CDC42EP4: variants seen among roughly 807,000 people sequenced by gnomAD.
CDC42EP4 encodes CDC42 effector protein (Rho GTPase binding) 4.
Under a neutral mutation model 5.6 loss-of-function variants are expected in CDC42EP4, and 6 were observed. The observed-to-expected ratio is 1.07, with a 90% CI of 0.59 to 2.12. The LOEUF (loss-of-function observed/expected upper bound fraction) is 2.12, where lower values mean the gene tolerates loss of function less well. Ranked by LOEUF, CDC42EP4 falls within the 30% of genes most tolerant of loss-of-function variation. CDC42EP4 has a pLI of 0.00. For synonymous variants in CDC42EP4, 230 were observed against 224.2 expected, an observed-to-expected ratio of 1.03 and a Z score of -0.23; for missense variants, 490 against 508.6, an observed-to-expected ratio of 0.96 and a Z score of 0.35.
rs1160453628 is a variant in CDC42EP4 at position 73,284,644 on chromosome 17, T to G, written c.*786A>C. The G allele has an allele frequency of 6.6e-6, 1 of 152,172 alleles. No homozygotes were observed. Among genetic ancestry groups the G allele is most frequent in the African/African-American group, 2.4e-5 (1 of 41,446 alleles). The allele number at this position is 152,172 out of a possible 1,614,324, so 9.4% of individuals were successfully genotyped here. On this transcript the variant is annotated 3_prime_UTR_variant, in exon 2 of 2. Coordinates refer to ENST00000335793, the MANE Select transcript of CDC42EP4 (RefSeq NM_012121.5). ...ATTGATTCTCATTCTGAGGCAGACC[T>G]ATTAACACCATCCTGATATTGCTCT...
At chr17:73,289,750 GGAGGAAGGGAGGGGAAGGAAAGGAA>G (rs1033656601) in intron 1 of CDC42EP4, among the ~76,000 whole-genome samples, 1 of 141,174 alleles carries the variant, frequency 7.1e-6, no homozygotes, top group East Asian at 2.1e-4. Context: ...AGGAAGGGAG[GGAGGAAGGGAGGGGAAGGAAAGGAA>G]GGAAGGAAAG....
intron 1 of CDC42EP4, among the ~76,000 whole-genome samples, chr17:73,299,522 C>T (rs895433726): frequency 2.0e-5 from 3 of 151,976 alleles, no homozygotes; most frequent in African/African-American, 7.2e-5. Flanking sequence ...CCAGGCTGCT[C>T]TTGAACTCCT....
Position 73,284,056 on chromosome 17 carries a change from G to A in CDC42EP4, c.*1374C>T, listed in dbSNP as rs1301775319. 6.6e-6 allele frequency: 1 copy of A among 152,194 alleles called. No individual in the cohort carries two copies. The highest frequency in any genetic ancestry group is 1.5e-5 in the Non-Finnish European group (1 of 68,040). 9.4% of individuals were successfully genotyped at this position (152,194 alleles called of 1,614,324 possible). On this transcript the variant is annotated 3_prime_UTR_variant, in exon 2 of 2. Transcript: ENST00000335793. ...CTCAATCCCCTCGGGGACAGTTACAGGACTCAGAGAGAAACGTGAATTTCA... is the reference window on the plus strand; with the variant it reads ...CTCAATCCCCTCGGGGACAGTTACAAGACTCAGAGAGAAACGTGAATTTCA...
At chr17:73,302,583 C>G (rs927638029) in intron 1 of CDC42EP4, among the ~76,000 whole-genome samples, 4 of 152,046 alleles carry the variant, frequency 2.6e-5, no homozygotes. Flanking sequence ...CTCAAGCAAT[C>G]CTTCCACCTC....
At chr17:73,289,367 G>A (rs1321030185) in intron 1 of CDC42EP4, among the ~76,000 whole-genome samples, 1 of 152,076 alleles carries the variant, frequency 6.6e-6, no homozygotes, top group Non-Finnish European at 1.5e-5. Flanking sequence ...AGGAGCCATA[G>A]CAACATGTAA....
At chr17:73,296,834 A>T (rs1223019614) in intron 1 of CDC42EP4, among the ~76,000 whole-genome samples, 2 of 151,284 alleles carry the variant, frequency 1.3e-5, no homozygotes, top group Non-Finnish European at 2.9e-5. Context: ...ACAAAAAATT[A>T]GCCAGGCGCG....
chr17:73,287,438 T>TC (rs1307086879), intron 1 of CDC42EP4, among the ~76,000 whole-genome samples: 1 of 151,738 alleles, frequency 6.6e-6, no homozygotes, highest in Non-Finnish European at 1.5e-5. Flanking sequence ...AATGACTTCG[T>TC]CCCCCCAGGA....
chr17:73,308,632 C>T (rs572229579), intron 1 of CDC42EP4, among the ~76,000 whole-genome samples: 2 of 152,262 alleles, frequency 1.3e-5, no homozygotes, highest in South Asian at 2.1e-4. Flanking sequence ...GCCACACCTG[C>T]GCACAGACAG....
chr17:73,302,458 T>C (rs900588719), intron 1 of CDC42EP4, among the ~76,000 whole-genome samples: 3 of 152,102 alleles, frequency 2.0e-5, no homozygotes, highest in Admixed American at 1.3e-4. Context: ...ATGTGGTTAG[T>C]GTGATTAAGG....
At chr17:73,308,491 T>G (rs1291902328) in intron 1 of CDC42EP4, among the ~76,000 whole-genome samples, 1 of 152,206 alleles carries the variant, frequency 6.6e-6, no homozygotes, top group Non-Finnish European at 1.5e-5. Context: ...CACAGAAGGC[T>G]GGACTTACTG....
At chr17:73,303,533 G>A (rs1172367850) in intron 1 of CDC42EP4, among the ~76,000 whole-genome samples, 1 of 151,712 alleles carries the variant, frequency 6.6e-6, no homozygotes, top group Non-Finnish European at 1.5e-5. Context: ...GTGGTGGTGG[G>A]TACCTGTAAT....
At chr17:73,288,000 G>T (rs745624288) in intron 1 of CDC42EP4, among the ~76,000 whole-genome samples, 2 of 152,210 alleles carry the variant, frequency 1.3e-5, no homozygotes, top group Non-Finnish European at 2.9e-5. Context: ...TCGCTCCTCA[G>T]TGTCCCCTAC....
At position 73,308,298 on chromosome 17, in the gene CDC42EP4, G is replaced by A. The variant is rs73996160; in HGVS notation, c.-113+3595C>T. Among the ~76,000 whole-genome samples the A allele has an allele frequency of 3.7e-3, 570 of 152,278 alleles. 4 individuals carry two copies. Among genetic ancestry groups the A allele is most frequent in the Middle Eastern group, 6.8e-3 (2 of 294 alleles). On this transcript the variant is annotated intron_variant, in intron 1 of 1. Coordinates refer to ENST00000335793, the MANE Select transcript of CDC42EP4 (RefSeq NM_012121.5). ...TCGGGAAAAATCCTCCAGTACGTAG[G>A]TCAGAAGAGCTACGCAGAGCTCAGG...
intron 1 of CDC42EP4, among the ~76,000 whole-genome samples, chr17:73,291,466 G>A (rs2145311350): frequency 6.6e-6 from 1 of 152,342 alleles, no homozygotes; most frequent in East Asian, 1.9e-4. Context: ...ACAGAGAACA[G>A]TTTGGAGGTG....
chr17:73,294,804 TTTTC>T (rs1302501019), intron 1 of CDC42EP4, among the ~76,000 whole-genome samples: 1 of 151,890 alleles, frequency 6.6e-6, no homozygotes, highest in South Asian at 2.1e-4. Flanking sequence ...TCCCAGTGGA[TTTTC>T]TTTTTCTTTC....
chr17:73,302,664 C>T (rs1441451269), intron 1 of CDC42EP4, among the ~76,000 whole-genome samples: 1 of 152,074 alleles, frequency 6.6e-6, no homozygotes, highest in African/African-American at 2.4e-5. Context: ...TTCCTAGCCT[C>T]AAGTGTAATC....
chr17:73,299,366 CT>C (rs1183874004), intron 1 of CDC42EP4, among the ~76,000 whole-genome samples: 1 of 122,308 alleles, frequency 8.2e-6, no homozygotes, highest in Non-Finnish European at 1.7e-5. Flanking sequence ...GGAGGCGGAG[CT>C]TGCAGTGAGC....
intron 1 of CDC42EP4, among the ~76,000 whole-genome samples, chr17:73,298,283 G>C (rs1321848507): frequency 6.6e-6 from 1 of 152,210 alleles, no homozygotes; most frequent in East Asian, 1.9e-4. Context: ...AAGTGGGCAA[G>C]CTTTATTAAC....
At chr17:73,289,496 C>G (rs1307836161) in intron 1 of CDC42EP4, among the ~76,000 whole-genome samples, 1 of 151,908 alleles carries the variant, frequency 6.6e-6, no homozygotes, top group African/African-American at 2.4e-5. Context: ...AACACTTGAC[C>G]CCACGCATCC....
Sources: allele counts gnomAD v4.1 joint callset (sites outside exome capture counted in the v4.1 genomes callset), GRCh38; gene constraint gnomAD v4.1.1; transcripts MANE v1.5; gene names NCBI Gene and HGNC (gene_info 2026-07-23, HGNC 2026-07-21).